The following FBN1 variants were observed in gnomAD, a reference collection of about 807,000 sequenced individuals.
FBN1 encodes fibrillin-1.
FBN1 carries 29 observed loss-of-function variants against 365.1 expected under a neutral mutation model. That is an observed-to-expected ratio of 0.08 (90% confidence interval 0.06 to 0.11). The LOEUF is 0.11. Ranked by LOEUF, FBN1 falls within the 10% of genes least tolerant of loss-of-function variation. The pLI is 1.00. For missense variants in FBN1, 2,476 were observed against 3,703.2 expected, an observed-to-expected ratio of 0.67 and a Z score of 8.60; for synonymous variants, 1,210 against 1,270.5, an observed-to-expected ratio of 0.95 and a Z score of 1.01.
chr15:48,497,158 G>T, intron 19 of FBN1, 108 bp downstream of exon 19: 1 of 1,264,342 alleles, frequency 7.9e-7, no homozygotes. Flanking sequence ...AGTATAAAGT[G>T]TCCATTTGCC....
At chr15:48,441,553 A>G (rs984838691) in intron 50 of FBN1, among the ~76,000 whole-genome samples, 168 bp downstream of exon 50, 3 of 152,214 alleles carry the variant, frequency 2.0e-5, no homozygotes, top group East Asian at 1.9e-4. Flanking sequence ...TTTAACCTTA[A>G]AAGTGAAAAT....
chr15:48,578,854 T>G (rs1486920341), intron 6 of FBN1, among the ~76,000 whole-genome samples: 3 of 81,968 alleles, frequency 3.7e-5, no homozygotes, highest in African/African-American at 1.6e-4. Flanking sequence ...TGGGGACTGT[T>G]GTGGGGTGGG....
intron 9 of FBN1, among the ~76,000 whole-genome samples, chr15:48,521,408 C>T (rs1191446522): frequency 6.6e-6 from 1 of 152,030 alleles, no homozygotes; most frequent in African/African-American, 2.4e-5. Flanking sequence ...GTCTTAGGGC[C>T]CTAACAGATT....
chr15:48,583,517 G>A (rs1725116682), intron 6 of FBN1, among the ~76,000 whole-genome samples: 1 of 152,204 alleles, frequency 6.6e-6, no homozygotes, highest in Non-Finnish European at 1.5e-5. Context: ...ACTTTACAGA[G>A]ATGTTCAGTT....
At chr15:48,561,290 T>C (rs1286676513) in intron 6 of FBN1, among the ~76,000 whole-genome samples, 1 of 152,192 alleles carries the variant, frequency 6.6e-6, no homozygotes, top group Non-Finnish European at 1.5e-5. Flanking sequence ...TTCTAGAGTA[T>C]GTGTTTTTGT....
At position 48,520,702 on chromosome 15, in the gene FBN1, T is replaced by A; in HGVS notation, c.1104A>T (p.Pro368=). The A allele has an allele frequency of 6.2e-7, 1 of 1,614,094 alleles. No homozygotes were observed. Among genetic ancestry groups the A allele is most frequent in the Non-Finnish European group, 8.5e-7 (1 of 1,180,006 alleles). The change falls in exon 10 of 66, where the codon CCA becomes CCT. Residue 368 remains proline (P), a synonymous_variant. Transcript: ENST00000316623. ...CCCDAGRCWS[P]GVTVAPEMCP... The stretch of plus-strand genomic sequence containing the variant: ...ACATCTCAGGGGCGACAGTGACCCC[T>A]GGAGACCAGCATCGGCCGGCATCAC...
rs1597526499 is a variant in FBN1, at chr15:48,437,474, C to T, written c.6314-87G>A. ...AGTATTTTGAGGTAGAAAATTGCTA[C>T]ATGCTGTGCATATTGATAAATGATG... On this transcript the variant is annotated intron_variant, in intron 51 of 65. Coordinates refer to ENST00000316623, the MANE Select transcript of FBN1 (RefSeq NM_000138.5). The T allele has an allele frequency of 6.2e-6, 7 of 1,137,884 alleles. No individual in the cohort carries two copies. In the East Asian group the frequency reaches 1.4e-4, roughly 23 times the overall value. 70.5% of individuals were successfully genotyped at this position (1,137,884 alleles called of 1,614,324 possible).
At chr15:48,506,158 G>T (rs780036546) in intron 15 of FBN1, among the ~76,000 whole-genome samples, 1 of 152,188 alleles carries the variant, frequency 6.6e-6, no homozygotes, top group Non-Finnish European at 1.5e-5. Flanking sequence ...AGGAAGCAGA[G>T]GTTGCAGTGA....
chr15:48,559,020 C>T (rs992890153), intron 6 of FBN1, among the ~76,000 whole-genome samples: 5 of 152,178 alleles, frequency 3.3e-5, no homozygotes, highest in African/African-American at 4.8e-5. Flanking sequence ...GACTAGGAAG[C>T]AGGTGAATAA....
chr15:48,439,882 C>T (rs2043099757), intron 50 of FBN1, among the ~76,000 whole-genome samples: 1 of 152,142 alleles, frequency 6.6e-6, no homozygotes, highest in African/African-American at 2.4e-5. Context: ...GTCTTTTGTG[C>T]CAGGCTCTGT....
At chr15:48,620,905 G>A (rs1234017275) in intron 2 of FBN1, among the ~76,000 whole-genome samples, 1 of 152,178 alleles carries the variant, frequency 6.6e-6, no homozygotes, top group Non-Finnish European at 1.5e-5. Flanking sequence ...AGCTGAATCT[G>A]TAGCATCTTG....
rs981394914 is a variant in FBN1 at position 48,607,324 on chromosome 15, T to TTA, written c.346+3402_346+3403dup. ...AACTTTTATCATGTATCATATATAA[T>TTA]TATATATATAATTAGACAATTATAT... On this transcript the variant is annotated intron_variant, in intron 4 of 65. Transcript: ENST00000316623. Among the ~76,000 whole-genome samples, 7 of 147,442 alleles carry TTA rather than the reference T, an allele frequency of 4.7e-5. No homozygotes were observed. In the East Asian group the frequency reaches 1.2e-3, roughly 25 times the overall value.
chr15:48,457,035 T>G (rs2043246257), intron 43 of FBN1, among the ~76,000 whole-genome samples: 1 of 152,124 alleles, frequency 6.6e-6, no homozygotes, highest in Non-Finnish European at 1.5e-5. Context: ...TATCTTTGTA[T>G]CCTCTGGGCA....
intron 31 of FBN1, among the ~76,000 whole-genome samples, chr15:48,482,672 A>G (rs1036272735): frequency 3.3e-5 from 5 of 152,228 alleles, no homozygotes; most frequent in African/African-American, 1.2e-4. Flanking sequence ...GCTACACAGA[A>G]GAAAGCAATG....
intron 6 of FBN1, among the ~76,000 whole-genome samples, chr15:48,550,132 G>A (rs553468147): frequency 4.6e-5 from 7 of 152,316 alleles, no homozygotes; most frequent in Non-Finnish European, 7.3e-5. Flanking sequence ...TGTTCGTCTC[G>A]AGTTAGACAC....
At chr15:48,438,719 T>C (rs1434790449) in intron 50 of FBN1, among the ~76,000 whole-genome samples, 2 of 152,342 alleles carry the variant, frequency 1.3e-5, no homozygotes, top group African/African-American at 4.8e-5. Flanking sequence ...ATTGCTTTGA[T>C]GACTCCAACA....
At chr15:48,569,796 G>C (rs2044292434) in intron 6 of FBN1, among the ~76,000 whole-genome samples, 1 of 152,108 alleles carries the variant, frequency 6.6e-6, no homozygotes, top group Non-Finnish European at 1.5e-5. Flanking sequence ...CTCTGGGAGA[G>C]AGCAAGGATT....
intron 8 of FBN1, among the ~76,000 whole-genome samples, chr15:48,531,105 CTT>C (rs2043969171): frequency 1.3e-5 from 2 of 151,888 alleles, no homozygotes. Flanking sequence ...GGCATGAACT[CTT>C]TCCTTTTTTC....
At chr15:48,592,419 G>A (rs1016475130) in intron 6 of FBN1, among the ~76,000 whole-genome samples, 2 of 152,154 alleles carry the variant, frequency 1.3e-5, no homozygotes, top group Non-Finnish European at 2.9e-5. Context: ...GCAAGAGAAA[G>A]GGATTCCACA....
Sources: allele counts gnomAD v4.1 joint callset (sites outside exome capture counted in the v4.1 genomes callset), GRCh38; gene constraint gnomAD v4.1.1; transcripts MANE v1.5; gene names NCBI Gene and HGNC (gene_info 2026-07-23, HGNC 2026-07-21).